The following JADE3 variants were observed in gnomAD, a reference collection of about 807,000 sequenced individuals.
JADE3 encodes protein Jade-3.
In JADE3, 2 loss-of-function variants were observed where a neutral mutation model predicts 50.1. The observed-to-expected ratio is 0.04, with a 90% CI of 0.02 to 0.13. The LOEUF (loss-of-function observed/expected upper bound fraction) is 0.13. Ranked by LOEUF, JADE3 falls within the 10% of genes least tolerant of loss-of-function variation. The pLI is 1.00. For synonymous variants in JADE3, 218 were observed against 232.9 expected (o/e 0.94, Z 0.58); for missense variants, 475 against 634.4 (o/e 0.75, Z 2.70).
chrX:46,964,424 A>G lies in JADE3; in HGVS notation c.-11-20460A>G, dbSNP rs1927326999. On this transcript the variant is annotated intron_variant, in intron 1 of 10. Coordinates refer to ENST00000614628, the MANE Select transcript of JADE3 (RefSeq NM_014735.5). Reference sequence around the variant, plus strand: ...GAGCTGCCATGTAAGAAGTTTGACTATTGAGAAGCCACCTATGCCAGAGAG... The same window carrying G: ...GAGCTGCCATGTAAGAAGTTTGACTGTTGAGAAGCCACCTATGCCAGAGAG... Among the ~76,000 whole-genome samples, 3 of 111,738 alleles carry G rather than the reference A, an allele frequency of 2.7e-5. No individual in the cohort carries two copies. The South Asian group carries it at 1.1e-3, about 42-fold the overall frequency.
intron 4 of JADE3, among the ~76,000 whole-genome samples, 193 bp from the exon 5 acceptor site, chrX:47,024,531 A>G (rs782440922): frequency 6.3e-4 from 71 of 111,916 alleles, no homozygotes; most frequent in African/African-American, 2.3e-3. Context: ...GGGAACCAGG[A>G]TCCATGAGGG....
At chrX:46,948,290 G>A (rs1347985745) in intron 1 of JADE3, among the ~76,000 whole-genome samples, 1 of 112,224 alleles carries the variant, frequency 8.9e-6, no homozygotes, top group African/African-American at 3.2e-5. Context: ...GCAAAGGAAT[G>A]TCACTCCTGA....
chrX:46,917,961 T>G (rs1274166489), intron 1 of JADE3, among the ~76,000 whole-genome samples: 10 of 108,840 alleles, frequency 9.2e-5, no homozygotes, highest in Non-Finnish European at 1.9e-4. Context: ...CAAAAATGGT[T>G]TAAGAAAGTC....
intron 4 of JADE3, among the ~76,000 whole-genome samples, chrX:47,008,723 CTG>C (rs1157146122): frequency 9.0e-6 from 1 of 110,970 alleles, no homozygotes; most frequent in Non-Finnish European, 1.9e-5. Flanking sequence ...CAAGGACTAT[CTG>C]TAATCTTTAG....
intron 1 of JADE3, among the ~76,000 whole-genome samples, chrX:46,969,370 C>T (rs926412513): frequency 1.8e-5 from 2 of 111,264 alleles, no homozygotes; most frequent in Admixed American, 1.9e-4. Flanking sequence ...GAGCTGAGAT[C>T]GTGCCACTGC....
Position 46,985,768 on chromosome X carries a change from A to G in JADE3, c.102A>G (p.Pro34=). 3 of 1,194,434 alleles carry G rather than the reference A, an allele frequency of 2.5e-6. No homozygotes were observed. Among genetic ancestry groups the G allele is most frequent in the Non-Finnish European group, 3.4e-6 (3 of 879,877 alleles). The change falls in exon 3 of 11, where the codon CCA becomes CCG. Residue 34 remains proline (P), a synonymous_variant. Transcript: ENST00000614628. ...GSMYRIKSKI[P]NEHKKPAEVF... is the part of the protein sequence containing the mutation. ...TGTATAGGATCAAGTCAAAAATTCC[A>G]AATGAACACAAGAAACCTGCTGAGG...
chrX:46,928,690 T>G (rs782108819), intron 1 of JADE3, among the ~76,000 whole-genome samples: 46 of 112,055 alleles, frequency 4.1e-4, no homozygotes, highest in African/African-American at 1.2e-3. Flanking sequence ...CTCAAGCAAT[T>G]GTTCTACCTC....
intron 4 of JADE3, among the ~76,000 whole-genome samples, chrX:47,019,247 C>T (rs1426676195): frequency 9.0e-6 from 1 of 111,731 alleles, no homozygotes; most frequent in Admixed American, 9.4e-5. Context: ...TACCATCTGT[C>T]GCAGGGGTTA....
At chrX:46,926,380 G>A (rs1926366949) in intron 1 of JADE3, among the ~76,000 whole-genome samples, 1 of 109,740 alleles carries the variant, frequency 9.1e-6, no homozygotes, top group Admixed American at 9.8e-5. Context: ...GAGTAGCTAG[G>A]CCTACAGGCA....
chrX:46,943,079 A>G (rs1488351011), intron 1 of JADE3, among the ~76,000 whole-genome samples: 2 of 112,722 alleles, frequency 1.8e-5, no homozygotes, highest in Non-Finnish European at 3.8e-5. Flanking sequence ...GAATTCATTT[A>G]CAGAATCTAA....
intron 8 of JADE3, among the ~76,000 whole-genome samples, chrX:47,041,656 G>T (rs782327360): frequency 3.4e-4 from 38 of 110,432 alleles, no homozygotes; most frequent in Admixed American, 9.6e-4. Context: ...CCAAAGTGCT[G>T]GGATTACAGG....
At chrX:46,952,242 T>G (rs781832300) in intron 1 of JADE3, among the ~76,000 whole-genome samples, 4 of 112,099 alleles carry the variant, frequency 3.6e-5, no homozygotes, top group African/African-American at 1.3e-4. Flanking sequence ...GTTATGAGAC[T>G]CTGGATCTTG....
chrX:46,927,382 G>A (rs1556339132), intron 1 of JADE3, among the ~76,000 whole-genome samples: 2 of 111,846 alleles, frequency 1.8e-5, no homozygotes, highest in African/African-American at 3.2e-5. Flanking sequence ...GTGTTTGGTA[G>A]GCAAGCCTTC....
intron 1 of JADE3, among the ~76,000 whole-genome samples, chrX:46,918,599 C>G (rs1466810358): frequency 8.9e-6 from 1 of 111,998 alleles, no homozygotes; most frequent in East Asian, 2.8e-4. Context: ...TTTTAAGTAG[C>G]CTGTGTCAAT....
chrX:47,041,425 C>A (rs2146984386), intron 8 of JADE3, among the ~76,000 whole-genome samples: 1 of 111,064 alleles, frequency 9.0e-6, no homozygotes, highest in African/African-American at 3.3e-5. Context: ...GGGTCTCACT[C>A]TGTCACCTAG....
At chrX:47,023,067 G>T (rs1928830065) in intron 4 of JADE3, among the ~76,000 whole-genome samples, 1 of 111,351 alleles carries the variant, frequency 9.0e-6, no homozygotes, top group South Asian at 3.8e-4. Context: ...AACACTTTCT[G>T]TTTTTTTCTA....
intron 1 of JADE3, among the ~76,000 whole-genome samples, chrX:46,951,792 C>T (rs1480734701): frequency 9.1e-6 from 1 of 110,002 alleles, no homozygotes; most frequent in Non-Finnish European, 1.9e-5. Flanking sequence ...TTGTGTTCTT[C>T]CAGTTAATTT....
At chrX:47,021,412 TTTTTA>T (rs1928790586) in intron 4 of JADE3, among the ~76,000 whole-genome samples, 1 of 111,818 alleles carries the variant, frequency 8.9e-6, no homozygotes, top group South Asian at 3.7e-4. Flanking sequence ...GATATGAGCC[TTTTTA>T]TTTATCATTT....
At chrX:47,004,101 T>A (rs1304530180) in intron 4 of JADE3, among the ~76,000 whole-genome samples, 1 of 108,272 alleles carries the variant, frequency 9.2e-6, no homozygotes, top group Non-Finnish European at 1.9e-5. Flanking sequence ...GATTTTTGTA[T>A]TTTTTGTAGA....
Sources: gnomAD v4.1 joint callset for allele counts (sites outside exome capture counted in the v4.1 genomes callset) on GRCh38, gnomAD v4.1.1 for gene constraint, MANE v1.5 for transcripts, NCBI Gene and HGNC (gene_info 2026-07-23, HGNC 2026-07-21) for gene names.